TNKS1BP1: variants seen among roughly 807,000 people sequenced by gnomAD.
TNKS1BP1 encodes the protein 182 kDa tankyrase-1-binding protein.
In TNKS1BP1, 48 loss-of-function variants were observed where a neutral mutation model predicts 141.1. That is an observed-to-expected ratio of 0.34 (90% CI 0.27 to 0.43). The LOEUF is 0.43. TNKS1BP1 is among the 20% of genes least tolerant of loss of function. The probability of loss-of-function intolerance (pLI) is 1.00; values close to 1 mark genes in which losing one functional copy is unlikely to be tolerated. For synonymous variants in TNKS1BP1, 875 were observed against 898.2 expected, an observed-to-expected ratio of 0.97 and a Z score of 0.46; for missense variants, 2,149 against 2,226.0, an observed-to-expected ratio of 0.97 and a Z score of 0.70.
In TNKS1BP1 at chr11:57,317,821, A is replaced by G. The variant is rs1323037368; in HGVS notation, c.795T>C (p.Ala265=). The stretch of plus-strand genomic sequence containing the variant: ...TCATAACTGGAGGATAACTCACATC[A>G]GCAGGTAGCTCCGAGCTGGCTGCCT... ...LAKAASSELP[A]DISKPWIPSS... Residue 265 remains alanine (A), a synonymous_variant, in exon 4 of 12, where the codon GCT becomes GCC. Coordinates refer to ENST00000358252, the MANE Select transcript of TNKS1BP1 (RefSeq NM_033396.3). 1 of 1,613,744 alleles carries G rather than the reference A, an allele frequency of 6.2e-7. No individual in the cohort carries two copies.
rs1365111166 is a variant in TNKS1BP1 at position 57,312,695 on chromosome 11, C to G, written c.1993G>C (p.Ala665Pro). ...GGGGATGCCCTACACAAGTCTTGAGCCTCTGTCCTGGCTTGGGTGGTCTCA... is the reference window on the plus strand; with the variant it reads ...GGGGATGCCCTACACAAGTCTTGAGGCTCTGTCCTGGCTTGGGTGGTCTCA... ...RAETTQARTE[A>P]QDLCRASPEP... Residue 665 changes from alanine to proline, a missense_variant, in exon 5 of 12, where the codon GCT (alanine) becomes CCT (proline). By Grantham distance (27) the Ala-to-Pro change is conservative (BLOSUM62 -1). Transcript: ENST00000358252. 2 of 1,574,804 alleles carry G rather than the reference C, an allele frequency of 1.3e-6. No individual in the cohort carries two copies. The highest frequency in any genetic ancestry group is 2.2e-5 in the East Asian group (1 of 44,532).
intron 1 of TNKS1BP1, among the ~76,000 whole-genome samples, chr11:57,323,690 G>C (rs1459990615): frequency 2.0e-5 from 3 of 152,232 alleles, no homozygotes. Context: ...CCCACTGTGG[G>C]TGGGTGAATA....
At chr11:57,310,869 G>A (rs1301601075) in intron 5 of TNKS1BP1, among the ~76,000 whole-genome samples, 1 of 152,172 alleles carries the variant, frequency 6.6e-6, no homozygotes, top group Admixed American at 6.5e-5. Flanking sequence ...CAACTCTTGG[G>A]CAATACTTGG....
In TNKS1BP1 at chr11:57,310,271, C is replaced by G. The variant is rs1180799705; in HGVS notation, c.2440G>C (p.Ala814Pro). The G allele has an allele frequency of 1.2e-6, 2 of 1,613,968 alleles. No homozygotes were observed. Among genetic ancestry groups the G allele is most frequent in the Non-Finnish European group, 1.7e-6 (2 of 1,180,038 alleles). ...SSSQDQSKVS[A>P]PGVLTAQDRV... ...TCCTGGGCTGTGAGCACCCCTGGGGCAGACACTTTACTCTGGTCTTGGCTG... is the reference window on the plus strand; with the variant it reads ...TCCTGGGCTGTGAGCACCCCTGGGGGAGACACTTTACTCTGGTCTTGGCTG... The change falls in exon 6 of 12, where the codon GCC becomes CCC. Residue 814 changes from alanine to proline, a missense_variant. By Grantham distance (27) the Ala-to-Pro change is conservative. Coordinates refer to ENST00000358252, the MANE Select transcript of TNKS1BP1 (RefSeq NM_033396.3).
In TNKS1BP1 at chr11:57,310,493, G is replaced by A. The variant is rs772257967; in HGVS notation, c.2218C>T (p.Pro740Ser). ...SEFGITGDPQ[P>S]SSFSPSSWCQ... ...CAGCTGGAAGGACTGAAACTGCTGG[G>A]CTGTGGGTCTCCTGTGATCCCAAAT... Residue 740 changes from proline to serine, a missense_variant, in exon 6 of 12, where the codon CCC becomes TCC. Transcript: ENST00000358252. The A allele has an allele frequency of 3.7e-6, 6 of 1,611,186 alleles. No homozygotes were observed. The highest frequency in any genetic ancestry group is 2.2e-5 in the East Asian group (1 of 44,892).
At chr11:57,311,424 G>A (rs1322542030) in intron 5 of TNKS1BP1, 1 of 985,748 alleles carries the variant, frequency 1.0e-6, no homozygotes, top group Non-Finnish European at 1.2e-6. Context: ...CGCAGGGATA[G>A]AGCTGGGCTG....
At position 57,300,958 on chromosome 11, in the gene TNKS1BP1, C is replaced by G. The variant is rs760868098; in HGVS notation, c.5055G>C (p.Gln1685His). ...CTGGGACCTTGCAGGATTTCGAACG[C>G]TGGACCGCGGACTCCTTCTGGCTCG... ...SKSSQKESAV[Q>H]RSKSCKVPGL... Residue 1685 changes from glutamine (Q) to histidine (H), a missense_variant, in exon 10 of 12, where the codon CAG (glutamine) becomes CAC (histidine). Gln to His is a conservative substitution (Grantham distance 24, BLOSUM62 0). Coordinates refer to ENST00000358252, the MANE Select transcript of TNKS1BP1 (RefSeq NM_033396.3). 1.5e-5 allele frequency: 24 copies of G among 1,614,036 alleles called. No individual in the cohort carries two copies. The African/African-American group carries it at 2.8e-4, about 19-fold the overall frequency.
At chr11:57,321,210 C>CA (rs1160022427) in intron 2 of TNKS1BP1, among the ~76,000 whole-genome samples, 2 of 152,160 alleles carry the variant, frequency 1.3e-5, no homozygotes, top group African/African-American at 4.8e-5. Flanking sequence ...CCTCCTCCCC[C>CA]ACCCACAGCA....
At chr11:57,320,011 G>GCCCCCCCCCCAAACCCCCCCCCCC in intron 3 of TNKS1BP1, 68 bp downstream of exon 3, 1 of 1,296,684 alleles carries the variant, frequency 7.7e-7, no homozygotes, top group Non-Finnish European at 1.1e-6. Context: ...TTGGTCCCCA[G>GCCCCCCCCCCAAACCCCCCCCCCC]CCCCCACCCA....
chr11:57,320,518 G>C lies in TNKS1BP1; in HGVS notation c.289C>G (p.Leu97Val), dbSNP rs767829487. ...PQPYGGSKRPLPFAPRPAVEA... is the reference protein window; with the variant it reads ...PQPYGGSKRPVPFAPRPAVEA... ...ACCGCAGGCCTTGGTGCAAAGGGAAGGGGGCGCTTGCTGCCACCATAGGGC... is the reference window on the plus strand; with the variant it reads ...ACCGCAGGCCTTGGTGCAAAGGGAACGGGGCGCTTGCTGCCACCATAGGGC... Residue 97 changes from leucine to valine, a missense_variant, in exon 3 of 12, where the codon CTT becomes GTT. Leu to Val is a conservative substitution (Grantham distance 32). Transcript: ENST00000358252. The C allele has an allele frequency of 1.2e-6, 2 of 1,613,216 alleles. No individual in the cohort carries two copies. Among genetic ancestry groups the C allele is most frequent in the Non-Finnish European group, 1.7e-6 (2 of 1,179,394 alleles).
chr11:57,319,144 CAAA>C (rs558416849), intron 3 of TNKS1BP1, among the ~76,000 whole-genome samples: 9 of 64,296 alleles, frequency 1.4e-4, no homozygotes, highest in Admixed American at 1.7e-4. Flanking sequence ...GACTCCGTCT[CAAA>C]AAAAAAAAAA....
At position 57,313,517 on chromosome 11, in the gene TNKS1BP1, G is replaced by A. The variant is rs1453670395; in HGVS notation, c.1171C>T (p.Leu391=). The change falls in exon 5 of 12, where the codon CTG becomes TTG. Residue 391 remains leucine (L), a synonymous_variant. Transcript: ENST00000358252. ...TCCAGCAACTCACCCACCTCGATCA[G>A]GGGCCGGGGTGAGGTGGCAGGGGGC... is the stretch of plus-strand genomic sequence containing the variant. ...DQPPATSPRP[L]IEVGELLDLT... 1 of 1,571,664 alleles carries A rather than the reference G, an allele frequency of 6.4e-7. No homozygotes were observed. Among genetic ancestry groups the A allele is most frequent in the East Asian group, 2.2e-5 (1 of 44,494 alleles).
At chr11:57,319,473 T>C (rs1855848195) in intron 3 of TNKS1BP1, among the ~76,000 whole-genome samples, 1 of 151,846 alleles carries the variant, frequency 6.6e-6, no homozygotes, top group Admixed American at 6.6e-5. Context: ...ATATAGAAAC[T>C]AAACTTCTTG....
chr11:57,319,037 CG>C (rs1428841668), intron 3 of TNKS1BP1, among the ~76,000 whole-genome samples: 5 of 149,984 alleles, frequency 3.3e-5, no homozygotes, highest in Non-Finnish European at 7.4e-5. Context: ...CCCAGCTACT[CG>C]GGAGGCTGAG....
Position 57,302,922 on chromosome 11 carries a change from C to A in TNKS1BP1, c.4317-97G>T. 7.4e-7 allele frequency: 1 copy of A among 1,355,532 alleles called. No individual in the cohort carries two copies. The highest frequency in any genetic ancestry group is 2.5e-5 in the East Asian group (1 of 39,768). 84.0% of individuals were successfully genotyped at this position (1,355,532 alleles called of 1,614,324 possible). On this transcript the variant is annotated intron_variant, in intron 6 of 11. Coordinates refer to ENST00000358252, the MANE Select transcript of TNKS1BP1 (RefSeq NM_033396.3). This position sits in a 1 kb window ranked among gnomAD's most constrained non-coding sequence, Gnocchi z 5.5. Reference sequence around the variant, plus strand: ...AGCTCCTTCCCCCAGCCCCCAAACTCTCCCTTGCCCTCCTTCCCATGCTTT... The same window carrying A: ...AGCTCCTTCCCCCAGCCCCCAAACTATCCCTTGCCCTCCTTCCCATGCTTT...
In TNKS1BP1 at chr11:57,309,659, G is replaced by T; in HGVS notation, c.3052C>A (p.Arg1018=). The part of the protein sequence containing the change: ...SLGEGSRDAG[R]PGERGSGGLF... The stretch of plus-strand genomic sequence containing the variant: ...CCCCCGGATCCTCTCTCTCCTGGCC[G>T]GCCAGCATCCCTGCTGCCCTCTCCA... The change falls in exon 6 of 12, where the codon CGG becomes AGG. Residue 1018 remains arginine (R), a synonymous_variant. Transcript: ENST00000358252. The surrounding 1 kb of genome is among the most constrained non-coding windows in gnomAD (Gnocchi z 4.3). 6.2e-7 allele frequency: 1 copy of T among 1,614,126 alleles called. No individual in the cohort carries two copies. Among genetic ancestry groups the T allele is most frequent in the Non-Finnish European group, 8.5e-7 (1 of 1,180,030 alleles).
At position 57,309,859 on chromosome 11, in the gene TNKS1BP1, T is replaced by A; in HGVS notation, c.2852A>T (p.Glu951Val). 6.2e-7 allele frequency: 1 copy of A among 1,614,102 alleles called. No individual in the cohort carries two copies. The highest frequency in any genetic ancestry group is 8.5e-7 in the Non-Finnish European group (1 of 1,180,006). Reference protein sequence around the residue: ...GSRAAEPQEQEFGKSAWIRDY... With the variant: ...GSRAAEPQEQVFGKSAWIRDY... Reference sequence around the variant, plus strand: ...CCTTATCCAAGCGCTCTTCCCAAACTCCTGTTCCTGTGGCTCCGCAGCCCG... The same window carrying A: ...CCTTATCCAAGCGCTCTTCCCAAACACCTGTTCCTGTGGCTCCGCAGCCCG... The change falls in exon 6 of 12, where the codon GAG (glutamate) becomes GTG (valine). Residue 951 changes from glutamate (E) to valine (V), a missense_variant. Glu to Val is a moderately radical substitution (Grantham distance 121). Coordinates refer to ENST00000358252, the MANE Select transcript of TNKS1BP1 (RefSeq NM_033396.3). This position sits in a 1 kb window ranked among gnomAD's most constrained non-coding sequence, Gnocchi z 4.3.
At position 57,320,358 on chromosome 11, in the gene TNKS1BP1, C is replaced by A; in HGVS notation, c.449G>T (p.Arg150Leu). 2 of 1,614,140 alleles carry A rather than the reference C, an allele frequency of 1.2e-6. No homozygotes were observed. The highest frequency in any genetic ancestry group is 1.7e-6 in the Non-Finnish European group (2 of 1,180,036). ...GGCCGCGAAGCGCTCTGAGGCTGGG[C>A]GGAAAGGGGCAGGGGCCTTCCGTAC... ...GGVRKAPAPF[R>L]PASERFAATT... Residue 150 changes from arginine to leucine, a missense_variant, in exon 3 of 12, where the codon CGC (arginine) becomes CTC (leucine). By Grantham distance (102) the Arg-to-Leu change is moderately radical. Coordinates refer to ENST00000358252, the MANE Select transcript of TNKS1BP1 (RefSeq NM_033396.3).
chr11:57,305,710 C>T (rs1398315262), intron 6 of TNKS1BP1, among the ~76,000 whole-genome samples: 1 of 152,212 alleles, frequency 6.6e-6, no homozygotes, highest in East Asian at 1.9e-4. Context: ...GGAACCGGTG[C>T]AAGTCACACT....
Sources: gnomAD v4.1 joint callset for allele counts (sites outside exome capture counted in the v4.1 genomes callset) on GRCh38, gnomAD v4.1.1 for gene constraint, Gnocchi (gnomAD v3.1) non-coding constraint, MANE v1.5 for transcripts, NCBI Gene and HGNC (gene_info 2026-07-23, HGNC 2026-07-21) for gene names.